The following C1QTNF7 variants were observed in gnomAD, a reference collection of about 807,000 sequenced individuals.
C1QTNF7 encodes complement C1q tumor necrosis factor-related protein 7.
In C1QTNF7, 15 loss-of-function variants were observed where a neutral mutation model predicts 19.6. The observed-to-expected ratio is 0.76, with a 90% CI of 0.51 to 1.18. C1QTNF7 has a LOEUF of 1.18. C1QTNF7 is among the 50% of genes most tolerant of loss of function. The pLI, the probability that C1QTNF7 is intolerant of heterozygous loss-of-function variation, is 0.00. For synonymous variants in C1QTNF7, 142 were observed against 137.5 expected, an observed-to-expected ratio of 1.03 and a Z score of -0.23; for missense variants, 324 against 359.7, an observed-to-expected ratio of 0.90 and a Z score of 0.80.
intron 1 of C1QTNF7, among the ~76,000 whole-genome samples, chr4:15,373,467 G>C (rs1450020988): frequency 1.3e-5 from 2 of 152,166 alleles, no homozygotes; most frequent in African/African-American, 4.8e-5. Flanking sequence ...TAGTTTCAAA[G>C]CCTAAAACAT....
chr4:15,408,315 A>G (rs1362510873), intron 1 of C1QTNF7, among the ~76,000 whole-genome samples: 1 of 151,344 alleles, frequency 6.6e-6, no homozygotes, highest in Non-Finnish European at 1.5e-5. Flanking sequence ...ATGTATATAC[A>G]GATAAGTATG....
chr4:15,411,376 A>G (rs1560360773), intron 1 of C1QTNF7, among the ~76,000 whole-genome samples: 1 of 152,212 alleles, frequency 6.6e-6, no homozygotes, highest in African/African-American at 2.4e-5. Context: ...ACCACTGTGC[A>G]CATGCACAGC....
rs1414182348 is a variant in C1QTNF7, at chr4:15,442,490, T to G, written c.561T>G (p.Cys187Trp). The G allele has an allele frequency of 6.2e-7, 1 of 1,614,220 alleles. No homozygotes were observed. Among genetic ancestry groups the G allele is most frequent in the East Asian group, 2.2e-5 (1 of 44,878 alleles). ...HYNPATGKFICAFPGIYYFSY... is the reference protein window; with the variant it reads ...HYNPATGKFIWAFPGIYYFSY... Reference sequence around the variant, plus strand: ...ACCCTGCCACAGGGAAGTTCATCTGTGCTTTCCCAGGGATCTATTACTTTT... The same window carrying G: ...ACCCTGCCACAGGGAAGTTCATCTGGGCTTTCCCAGGGATCTATTACTTTT... The change falls in exon 3 of 3, where the codon TGT (cysteine) becomes TGG (tryptophan). Residue 187 changes from cysteine (C) to tryptophan (W), a missense_variant. Transcript: ENST00000444304.
Position 15,443,977 on chromosome 4 carries a change from T to A in C1QTNF7, c.*1178T>A, listed in dbSNP as rs1169942850. On this transcript the variant is annotated 3_prime_UTR_variant, in exon 3 of 3. Coordinates refer to ENST00000444304, the MANE Select transcript of C1QTNF7 (RefSeq NM_031911.5). ...AGCCAAATGTCTGAGTAAACAGATA[T>A]CCCTTCCAAGTCTCACACCTCCCTT... The A allele has an allele frequency of 6.6e-6, 1 of 152,200 alleles. No homozygotes were observed. Among genetic ancestry groups the A allele is most frequent in the South Asian group, 2.1e-4 (1 of 4,828 alleles). 9.4% of individuals were successfully genotyped at this position (152,200 alleles called of 1,614,324 possible). A position where few individuals can be genotyped will look rare whatever the true frequency, so the allele number is the denominator to read the frequency against.
chr4:15,398,661 G>A (rs931847190), intron 1 of C1QTNF7, among the ~76,000 whole-genome samples: 1 of 152,198 alleles, frequency 6.6e-6, no homozygotes, highest in Non-Finnish European at 1.5e-5. Context: ...TCTGTTACCT[G>A]TGGCAAATCT....
At chr4:15,405,390 C>G (rs62289284) in intron 1 of C1QTNF7, among the ~76,000 whole-genome samples, 4,164 of 152,252 alleles carry the variant, frequency 0.027, 104 homozygotes, top group Middle Eastern at 0.048. Context: ...CTGCTCATGC[C>G]TTATCAGCAA....
chr4:15,412,645 C>G (rs1354131005), intron 1 of C1QTNF7, among the ~76,000 whole-genome samples: 1 of 152,206 alleles, frequency 6.6e-6, no homozygotes, highest in Admixed American at 6.5e-5. Flanking sequence ...GCCCGTCTCA[C>G]CACGTATGGT....
intron 1 of C1QTNF7, among the ~76,000 whole-genome samples, chr4:15,342,781 A>G (rs905432303): frequency 6.6e-6 from 1 of 152,216 alleles, no homozygotes; most frequent in East Asian, 1.9e-4. Flanking sequence ...TTATTATAAT[A>G]GGAGGATAAC....
intron 1 of C1QTNF7, among the ~76,000 whole-genome samples, chr4:15,406,726 T>C (rs543315809): frequency 1.3e-5 from 2 of 152,348 alleles, no homozygotes; most frequent in Admixed American, 1.3e-4. Context: ...AAAATTACTC[T>C]GTAGAATTAT....
intron 1 of C1QTNF7, among the ~76,000 whole-genome samples, chr4:15,353,040 A>G (rs1716989494): frequency 6.6e-6 from 1 of 152,160 alleles, no homozygotes; most frequent in South Asian, 2.1e-4. Flanking sequence ...TTAGCTCCAA[A>G]TAGCTGCATA....
chr4:15,426,256 T>G (rs1453438505), upstream of C1QTNF7, among the ~76,000 whole-genome samples: 1 of 152,224 alleles, frequency 6.6e-6, no homozygotes, highest in Admixed American at 6.5e-5. Context: ...ACTTTTACTC[T>G]GAGCCAATAC....
intron 1 of C1QTNF7, among the ~76,000 whole-genome samples, chr4:15,416,729 A>G (rs926110027): frequency 6.6e-6 from 1 of 152,196 alleles, no homozygotes; most frequent in African/African-American, 2.4e-5. Flanking sequence ...TAAGAAGCCA[A>G]TTTCTGCAGT....
intron 1 of C1QTNF7, among the ~76,000 whole-genome samples, chr4:15,413,251 A>C (rs560884196): frequency 6.6e-6 from 1 of 152,234 alleles, no homozygotes; most frequent in South Asian, 2.1e-4. Context: ...GTGGTTACCT[A>C]TCTATGTTTT....
chr4:15,436,034 T>A (rs1254874888), intron 2 of C1QTNF7, 53 bp downstream of exon 2: 6 of 1,559,416 alleles, frequency 3.8e-6, no homozygotes, highest in Non-Finnish European at 5.2e-6. Context: ...ACCTTAAAAC[T>A]GTTCCCCTTT....
At chr4:15,370,378 A>C (rs1310653655) in intron 1 of C1QTNF7, among the ~76,000 whole-genome samples, 1 of 152,124 alleles carries the variant, frequency 6.6e-6, no homozygotes, top group Admixed American at 6.6e-5. Flanking sequence ...GGCTGTTTCC[A>C]CTCTGTAACT....
intron 1 of C1QTNF7, among the ~76,000 whole-genome samples, chr4:15,408,381 TAACTC>T (rs1030795554): frequency 2.6e-5 from 4 of 151,296 alleles, no homozygotes; most frequent in Admixed American, 6.6e-5. Context: ...AGTGTTCAAA[TAACTC>T]AATAAGGTCA....
intron 1 of C1QTNF7, among the ~76,000 whole-genome samples, chr4:15,354,656 T>C (rs948369516): frequency 6.6e-6 from 1 of 152,004 alleles, no homozygotes; most frequent in African/African-American, 2.4e-5. Context: ...GATGTGGAAA[T>C]GTCATGAGAA....
At chr4:15,385,462 G>A (rs1718299417) in intron 1 of C1QTNF7, among the ~76,000 whole-genome samples, 1 of 152,228 alleles carries the variant, frequency 6.6e-6, no homozygotes, top group African/African-American at 2.4e-5. Context: ...AAGGAGGACA[G>A]AAGGCAGGAT....
chr4:15,438,622 CATA>C (rs1712630346), intron 2 of C1QTNF7, among the ~76,000 whole-genome samples: 1 of 152,176 alleles, frequency 6.6e-6, no homozygotes, highest in African/African-American at 2.4e-5. Context: ...ATTACTGTAG[CATA>C]ATATTAACAT....
Sources: allele counts gnomAD v4.1 joint callset (sites outside exome capture counted in the v4.1 genomes callset), GRCh38; gene constraint gnomAD v4.1.1; transcripts MANE v1.5; gene names NCBI Gene and HGNC (gene_info 2026-07-23, HGNC 2026-07-21).